The following PHLPP1 variants were observed in gnomAD, a reference collection of about 807,000 sequenced individuals.
PHLPP1 encodes PH domain leucine-rich repeat-containing protein phosphatase 1.
A neutral mutation model predicts 117.2 loss-of-function variants in PHLPP1; 42 were observed. The observed-to-expected ratio is 0.36, with a 90% CI of 0.28 to 0.46. The LOEUF is 0.46. Among genes scored for constraint, PHLPP1 ranks in the 20% least tolerant of loss-of-function variants. The pLI is 1.00. For synonymous variants in PHLPP1, 1,042 were observed against 970.7 expected (o/e 1.07, Z -1.37); for missense variants, 2,084 against 2,241.9 (o/e 0.93, Z 1.42).
chr18:62,869,254 G>T (rs999874688), intron 4 of PHLPP1, among the ~76,000 whole-genome samples: 1 of 152,088 alleles, frequency 6.6e-6, no homozygotes, highest in Non-Finnish European at 1.5e-5. Flanking sequence ...TTGAATCAGG[G>T]ACTCTGGTTC....
chr18:62,773,218 AT>A (rs1383457654), intron 1 of PHLPP1, among the ~76,000 whole-genome samples: 2 of 151,982 alleles, frequency 1.3e-5, no homozygotes, highest in South Asian at 4.1e-4. Context: ...ACCCCACTTA[AT>A]TTTTTTCTTT....
intron 13 of PHLPP1, among the ~76,000 whole-genome samples, chr18:62,962,396 C>T (rs1217718591): frequency 1.3e-5 from 2 of 152,186 alleles, no homozygotes; most frequent in African/African-American, 2.4e-5. Flanking sequence ...CAACCTCCAC[C>T]TCCCGAGTTC....
intron 2 of PHLPP1, among the ~76,000 whole-genome samples, chr18:62,830,629 A>T (rs1914733255): frequency 6.6e-6 from 1 of 151,916 alleles, no homozygotes; most frequent in East Asian, 1.9e-4. Context: ...ATGATTTTTT[A>T]CTCATCTGAG....
intron 15 of PHLPP1, among the ~76,000 whole-genome samples, chr18:62,974,647 A>C (rs1034423589): frequency 7.9e-5 from 12 of 152,230 alleles, no homozygotes; most frequent in African/African-American, 2.9e-4. Context: ...ATAATCTGCC[A>C]GAACAAGTAG....
At position 62,979,646 on chromosome 18, in the gene PHLPP1, C is replaced by T; in HGVS notation, c.*215C>T. 8.6e-6 allele frequency: 5 copies of T among 583,252 alleles called. No individual in the cohort carries two copies. Among genetic ancestry groups the T allele is most frequent in the Non-Finnish European group, 9.1e-6 (3 of 331,220 alleles). The allele number at this position is 583,252 out of a possible 1,614,324, so 36.1% of individuals were successfully genotyped here. On this transcript the variant is annotated 3_prime_UTR_variant, in exon 17 of 17. Coordinates refer to ENST00000262719, the MANE Select transcript of PHLPP1 (RefSeq NM_194449.4). ...AGTGATGCTTTACCAATATGATTTA[C>T]ATTTGTTAACTTCTCCCCCTAACAT... is the stretch of plus-strand genomic sequence containing the variant.
chr18:62,766,060 C>CAAAAAAAAAAAAAAAAAAAA (rs1168861892), intron 1 of PHLPP1, among the ~76,000 whole-genome samples: 1 of 15,226 alleles, frequency 6.6e-5, no homozygotes, highest in Admixed American at 8.9e-4. Flanking sequence ...GACTCCATCT[C>CAAAAAAAAAAAAAAAAAAAA]AAAAAAAAAA....
chr18:62,894,867 C>T (rs774829845), intron 4 of PHLPP1, 144 bp from the exon 5 acceptor site: 15 of 585,046 alleles, frequency 2.6e-5, no homozygotes, highest in Non-Finnish European at 4.6e-5. Flanking sequence ...TCCAGTGCTG[C>T]TGCTCCTTAA....
intron 1 of PHLPP1, among the ~76,000 whole-genome samples, chr18:62,750,639 A>C (rs574337112): frequency 6.7e-6 from 1 of 149,996 alleles, no homozygotes; most frequent in Non-Finnish European, 1.5e-5. Context: ...ATTTCCAGCT[A>C]CTTGTGAGAC....
chr18:62,853,318 C>G (rs1482863938), intron 3 of PHLPP1, among the ~76,000 whole-genome samples: 1 of 151,584 alleles, frequency 6.6e-6, no homozygotes, highest in East Asian at 1.9e-4. Context: ...ATTTAATTTA[C>G]TAACTCAATT....
At position 62,730,331 on chromosome 18, in the gene PHLPP1, G is replaced by A. The variant is rs576366595; in HGVS notation, c.1576+13072G>A. Among the ~76,000 whole-genome samples the A allele has an allele frequency of 3.3e-5, 5 of 152,216 alleles. No individual in the cohort carries two copies. In the South Asian group the frequency reaches 1.0e-3, roughly 32 times the overall value. On this transcript the variant is annotated intron_variant, in intron 1 of 16. Transcript: ENST00000262719. ...GATAATGAATGAAAGTGTCTATGACGACAGTACTAGTTCTTACACACCATC... is the reference window on the plus strand; with the variant it reads ...GATAATGAATGAAAGTGTCTATGACAACAGTACTAGTTCTTACACACCATC...
At chr18:62,799,548 C>T (rs1913717880) in intron 1 of PHLPP1, among the ~76,000 whole-genome samples, 2 of 152,220 alleles carry the variant, frequency 1.3e-5, no homozygotes, top group South Asian at 2.1e-4. Context: ...TTAAGGTGCA[C>T]AGCTAAAGAA....
At chr18:62,935,289 A>G (rs1909938008) in intron 10 of PHLPP1, among the ~76,000 whole-genome samples, 1 of 152,250 alleles carries the variant, frequency 6.6e-6, no homozygotes, top group African/African-American at 2.4e-5. Flanking sequence ...TTAAAATAGC[A>G]TCAAAGGAGG....
At chr18:62,932,656 C>T (rs1157224074) in intron 10 of PHLPP1, among the ~76,000 whole-genome samples, 2 of 152,188 alleles carry the variant, frequency 1.3e-5, no homozygotes, top group African/African-American at 2.4e-5. Flanking sequence ...CCACAGCCAA[C>T]ATCATACTGA....
At chr18:62,760,013 T>C (rs1912162905) in intron 1 of PHLPP1, among the ~76,000 whole-genome samples, 1 of 152,218 alleles carries the variant, frequency 6.6e-6, no homozygotes, top group Admixed American at 6.5e-5. Context: ...GGTTCCATAC[T>C]TGTCTTTGTA....
chr18:62,778,005 A>G (rs1303024232), intron 1 of PHLPP1, among the ~76,000 whole-genome samples: 2 of 152,190 alleles, frequency 1.3e-5, no homozygotes, highest in Non-Finnish European at 2.9e-5. Context: ...AATCTAGGTG[A>G]TGTCACTTGT....
In PHLPP1 at chr18:62,779,121, C is replaced by T. The variant is rs144087291; in HGVS notation, c.1577-50914C>T. Among the ~76,000 whole-genome samples the T allele has an allele frequency of 1.1e-3, 174 of 152,286 alleles. 1 individual carries two copies. Among genetic ancestry groups the T allele is most frequent in the African/African-American group, 3.9e-3 (161 of 41,556 alleles). On this transcript the variant is annotated intron_variant, in intron 1 of 16. Transcript: ENST00000262719. ...GAATGCCCTCCTAGGCCTTCATGCT[C>T]AGCCTTATCTCCTACCCCTCCTCCC... is the stretch of plus-strand genomic sequence containing the variant.
At chr18:62,784,569 G>A (rs1407124922) in intron 1 of PHLPP1, among the ~76,000 whole-genome samples, 1 of 152,174 alleles carries the variant, frequency 6.6e-6, no homozygotes, top group African/African-American at 2.4e-5. Context: ...ATCAGAAACT[G>A]CTAAAGCCAC....
chr18:62,782,422 C>A (rs989570175), intron 1 of PHLPP1, among the ~76,000 whole-genome samples: 1 of 152,286 alleles, frequency 6.6e-6, no homozygotes, highest in South Asian at 2.1e-4. Context: ...AGGGTTGCCA[C>A]ACAATATTAT....
At chr18:62,780,681 G>A (rs2144278082) in intron 1 of PHLPP1, among the ~76,000 whole-genome samples, 1 of 152,266 alleles carries the variant, frequency 6.6e-6, no homozygotes. Flanking sequence ...TGAGAACTTG[G>A]GTTTGTAAGA....
Sources: allele counts gnomAD v4.1 joint callset (sites outside exome capture counted in the v4.1 genomes callset), GRCh38; gene constraint gnomAD v4.1.1; transcripts MANE v1.5; gene names NCBI Gene and HGNC (gene_info 2026-07-23, HGNC 2026-07-21).